Variants in INTS1 observed in about 807,000 individuals in gnomAD.
INTS1 encodes integrator complex subunit 1.
INTS1 carries 137 observed loss-of-function variants against 241.6 expected under a neutral mutation model. The observed-to-expected ratio is 0.57, with a 90% confidence interval of 0.49 to 0.65. The LOEUF (loss-of-function observed/expected upper bound fraction) is 0.65, where lower values mean the gene tolerates loss of function less well. Among genes scored for constraint, INTS1 ranks in the 30% least tolerant of loss-of-function variants. The pLI is 0.00. For missense variants in INTS1, 3,073 were observed against 3,032.2 expected (o/e 1.01, Z -0.32); for synonymous variants, 1,692 against 1,337.8 (o/e 1.26, Z -5.78).
intron 6 of INTS1, 46 bp from the exon 7 acceptor site, chr7:1,499,406 A>ACC: frequency 1.5e-5 from 5 of 323,248 alleles, no homozygotes; most frequent in East Asian, 1.5e-4. Context: ...CCACCCGCCC[A>ACC]TCCTCCCACC....
rs1224566132 is a variant in INTS1 at position 1,471,586 on chromosome 7, G to A, written c.6240C>T (p.Ile2080=). ...TCCAGCTCACCGAGAAGAAGCTCAG[G>A]ATCTCGGGTCTCCGCCGGGACATCT... ...IDEMSRRRPE[I]LSFFSTNLQR... Residue 2080 remains isoleucine (I), a synonymous_variant, in exon 45 of 48, where the codon ATC becomes ATT. Transcript: ENST00000404767. 6.8e-6 allele frequency: 11 copies of A among 1,612,234 alleles called. No homozygotes were observed. Among genetic ancestry groups the A allele is most frequent in the Admixed American group, 3.3e-5 (2 of 60,004 alleles).
chr7:1,492,700 C>T (rs1471204377), intron 16 of INTS1, among the ~76,000 whole-genome samples: 1 of 152,208 alleles, frequency 6.6e-6, no homozygotes, highest in East Asian at 1.9e-4. Context: ...CCGGGGAAGA[C>T]AACGGGGAAA....
chr7:1,496,940 CCT>C (rs1374173736), intron 11 of INTS1, among the ~76,000 whole-genome samples, 196 bp downstream of exon 11: 4 of 152,188 alleles, frequency 2.6e-5, no homozygotes, highest in African/African-American at 7.2e-5. Context: ...TTGGTCAGCC[CCT>C]CATAGGTCCT....
At chr7:1,498,893 C>T (rs1490084086) in intron 8 of INTS1, 41 bp from the exon 9 acceptor site, 24 of 1,560,368 alleles carry the variant, frequency 1.5e-5, no homozygotes, top group East Asian at 9.5e-5. Flanking sequence ...ACGGCCACCC[C>T]GGCAGGAAGA....
intron 47 of INTS1, 60 bp downstream of exon 47, chr7:1,470,786 G>T: frequency 1.4e-6 from 2 of 1,480,296 alleles, no homozygotes; most frequent in African/African-American, 1.4e-5. Flanking sequence ...AGCCCTCGGG[G>T]GACGCACCTC....
chr7:1,477,513 G>A (rs551126923), intron 35 of INTS1, 37 bp downstream of exon 35: 2 of 1,475,054 alleles, frequency 1.4e-6, no homozygotes, highest in East Asian at 2.5e-5. Flanking sequence ...CCTTTACCCT[G>A]GGGTGGGTCC....
At chr7:1,478,019 G>A (rs1465816709) in intron 33 of INTS1, 83 bp from the exon 34 acceptor site, 12 of 1,156,202 alleles carry the variant, frequency 1.0e-5, no homozygotes, top group Admixed American at 5.3e-5. Flanking sequence ...CCAGGGTGGG[G>A]TGTGGGGTGA....
chr7:1,478,427 G>A lies in INTS1; in HGVS notation c.4569C>T (p.Ala1523=), dbSNP rs370380149. 1.6e-4 allele frequency: 262 copies of A among 1,612,504 alleles called. No homozygotes were observed. The highest frequency in any genetic ancestry group is 6.3e-4 in the African/African-American group (47 of 74,924). The change falls in exon 33 of 48, where the codon GCC becomes GCT. Residue 1523 remains alanine (A), a synonymous_variant. Coordinates refer to ENST00000404767, the MANE Select transcript of INTS1 (RefSeq NM_001080453.3). ...DLEVVSSTVR[A]VIATLRSGEQ... ...CCCCAGACCTCAGGGTGGCGATGAC[G>A]GCACGGACGGTGGAGCTGACCACCT...
At chr7:1,483,352 C>T (rs1137532) in intron 26 of INTS1, 153,823 of 347,544 alleles carry the variant, frequency 0.44, 35,065 homozygotes, top group East Asian at 0.7. Flanking sequence ...GCCTGGGCCC[C>T]GGGGAGAGGA....
Position 1,487,455 on chromosome 7 carries a change from G to A in INTS1, c.2517-6C>T, listed in dbSNP as rs1252996889. On this transcript the variant is annotated splice_region_variant and splice_polypyrimidine_tract_variant and intron_variant, in intron 19 of 47. Transcript: ENST00000404767. ...GAGGCCTCCGGGGGGGCCCCCTGAG[G>A]GCCACAGGGGACACGGTGCGTCAGC... The A allele has an allele frequency of 5.0e-6, 8 of 1,610,214 alleles. No homozygotes were observed. Among genetic ancestry groups the A allele is most frequent in the Non-Finnish European group, 5.1e-6 (6 of 1,179,116 alleles).
At chr7:1,478,668 C>G in intron 32 of INTS1, 58 bp downstream of exon 32, 1 of 1,498,836 alleles carries the variant, frequency 6.7e-7, no homozygotes. Flanking sequence ...CTTGGCCACT[C>G]TGAGTGAGCC....
chr7:1,470,468 C>A lies in INTS1; in HGVS notation c.*109G>T. ...CCTGCCTGGCCTCAGGGCTCGGCGCCCTCACCTCCTCGGACAGACCAGCAA... is the reference window on the plus strand; with the variant it reads ...CCTGCCTGGCCTCAGGGCTCGGCGCACTCACCTCCTCGGACAGACCAGCAA... On this transcript the variant is annotated 3_prime_UTR_variant, in exon 48 of 48. Coordinates refer to ENST00000404767, the MANE Select transcript of INTS1 (RefSeq NM_001080453.3). The A allele has an allele frequency of 1.2e-6, 1 of 844,312 alleles. No individual in the cohort carries two copies. The highest frequency in any genetic ancestry group is 1.9e-5 in the South Asian group (1 of 53,206). 52.3% of individuals were successfully genotyped at this position (844,312 alleles called of 1,614,324 possible).
Position 1,479,580 on chromosome 7 carries a change from C to T in INTS1, c.4179G>A (p.Gln1393=), listed in dbSNP as rs1310564930. 24 of 1,543,700 alleles carry T rather than the reference C, an allele frequency of 1.6e-5. No individual in the cohort carries two copies. Among genetic ancestry groups the T allele is most frequent in the Non-Finnish European group, 2.1e-5 (24 of 1,145,272 alleles). The stretch of plus-strand genomic sequence containing the variant: ...TGATGCCCGGCACCTCGGGGCTGCC[C>T]TGGACGACGCGGGCCAGCTCCTGGC... The part of the protein sequence containing the change: ...ALGQELARVV[Q]GSPEVPGITV... The change falls in exon 31 of 48, where the codon CAG becomes CAA. Residue 1393 remains glutamine (Q), a synonymous_variant. Coordinates refer to ENST00000404767, the MANE Select transcript of INTS1 (RefSeq NM_001080453.3).
chr7:1,472,176 C>A, intron 44 of INTS1, 97 bp downstream of exon 44: 1 of 941,400 alleles, frequency 1.1e-6, no homozygotes, highest in South Asian at 1.4e-5. Context: ...GCCAGGCTCA[C>A]GCCAAAGTCA....
rs188385665 is a variant in INTS1, at chr7:1,490,030, G to A, written c.2166-348C>T. Among the ~76,000 whole-genome samples the A allele has an allele frequency of 1.9e-3, 290 of 152,212 alleles. 2 individuals carry two copies. Among genetic ancestry groups the A allele is most frequent in the Non-Finnish European group, 2.9e-3 (197 of 68,008 alleles). ...GCCACCGAGATGGAATTATTGTAAC[G>A]ATACAATTAAATCAAAGCACGGGCC... On this transcript the variant is annotated intron_variant, in intron 16 of 47. Transcript: ENST00000404767.
At chr7:1,478,103 T>C (rs1051699230) in intron 33 of INTS1, among the ~76,000 whole-genome samples, 167 bp from the exon 34 acceptor site, 5 of 147,302 alleles carry the variant, frequency 3.4e-5, no homozygotes, top group East Asian at 2.0e-4. Context: ...GAGAGGAGAG[T>C]GCGGCCGGGG....
chr7:1,486,800 G>A, intron 21 of INTS1, 26 bp from the exon 22 acceptor site: 2 of 1,609,914 alleles, frequency 1.2e-6, no homozygotes, highest in Non-Finnish European at 8.5e-7. Context: ...GGCTCTCAGG[G>A]GTGCAGGTGA....
chr7:1,474,614 TGGAG>T, intron 40 of INTS1, 87 bp downstream of exon 40: 1 of 1,446,158 alleles, frequency 6.9e-7, no homozygotes, highest in Admixed American at 2.3e-5. Flanking sequence ...TTGTTGTTTT[TGGAG>T]TTTTGCTCTT....
chr7:1,502,625 C>T (rs1712027787), intron 3 of INTS1, among the ~76,000 whole-genome samples: 1 of 152,160 alleles, frequency 6.6e-6, no homozygotes, highest in South Asian at 2.1e-4. Flanking sequence ...GTGCCCGTCA[C>T]AAAGGGGGCG....
Sources: gnomAD v4.1 joint callset for allele counts (sites outside exome capture counted in the v4.1 genomes callset) on GRCh38, gnomAD v4.1.1 for gene constraint, MANE v1.5 for transcripts, NCBI Gene and HGNC (gene_info 2026-07-23, HGNC 2026-07-21) for gene names.